Variants in UGT1A10 observed in about 807,000 individuals in gnomAD.
The protein encoded by UGT1A10 is UDP-glucuronosyltransferase 1A10.
A neutral mutation model predicts 45.8 loss-of-function variants in UGT1A10; 49 were observed. The ratio of observed to expected loss-of-function variants is 1.07; its 90% confidence interval spans 0.85 to 1.36. The LOEUF (loss-of-function observed/expected upper bound fraction) is 1.36. Ranked by LOEUF, UGT1A10 falls within the 40% of genes most tolerant of loss-of-function variation. The pLI, the probability that UGT1A10 is intolerant of heterozygous loss-of-function variation, is 0.00. For synonymous variants in UGT1A10, 284 were observed against 249.7 expected (o/e 1.14, Z -1.29); for missense variants, 745 against 668.6 (o/e 1.11, Z -1.26).
At chr2:233,738,180 G>A (rs566528784) in intron 1 of UGT1A10, among the ~76,000 whole-genome samples, 8 of 152,232 alleles carry the variant, frequency 5.3e-5, no homozygotes, top group African/African-American at 1.4e-4. Flanking sequence ...CATGTAAGAC[G>A]TGTCTTTGCC....
chr2:233,734,419 T>C (rs2078523493), intron 1 of UGT1A10, among the ~76,000 whole-genome samples: 1 of 152,186 alleles, frequency 6.6e-6, no homozygotes, highest in African/African-American at 2.4e-5. Flanking sequence ...CTCTCTTTTC[T>C]TCTTTATTAG....
At chr2:233,643,069 G>T (rs1390685585) in intron 1 of UGT1A10, among the ~76,000 whole-genome samples, 3 of 152,148 alleles carry the variant, frequency 2.0e-5, no homozygotes, top group Non-Finnish European at 2.9e-5. Context: ...GCCTATGTTT[G>T]CTCAACGCCC....
intron 1 of UGT1A10, chr2:233,693,690 AT>A: frequency 6.2e-7 from 1 of 1,614,250 alleles, no homozygotes; most frequent in Non-Finnish European, 8.5e-7. Context: ...TTTTCAAAGT[AT>A]GAAGAACTCG....
chr2:233,712,373 T>C (rs1400109853), intron 1 of UGT1A10, among the ~76,000 whole-genome samples: 1 of 152,218 alleles, frequency 6.6e-6, no homozygotes, highest in Non-Finnish European at 1.5e-5. Flanking sequence ...GCAGCTTTTT[T>C]TATATTGACA....
intron 1 of UGT1A10, among the ~76,000 whole-genome samples, chr2:233,644,956 G>C (rs1386504324): frequency 6.6e-6 from 1 of 152,100 alleles, no homozygotes; most frequent in African/African-American, 2.4e-5. Flanking sequence ...AAAACTGTGT[G>C]TAATGAGTTC....
intron 1 of UGT1A10, among the ~76,000 whole-genome samples, chr2:233,688,858 G>C (rs552889228): frequency 2.0e-5 from 3 of 152,134 alleles, no homozygotes; most frequent in Non-Finnish European, 4.4e-5. Flanking sequence ...CTGATCATAG[G>C]GGGCCTTGCA....
rs944669670 is a variant in UGT1A10 at position 233,769,377 on chromosome 2, C to T, written c.1295+938C>T. Reference sequence around the variant, plus strand: ...GTGGTGGCCAGTGGTAGATTTCATCCGACAATAGATACTGTGTGCATATGT... The same window carrying T: ...GTGGTGGCCAGTGGTAGATTTCATCTGACAATAGATACTGTGTGCATATGT... On this transcript the variant is annotated intron_variant, in intron 4 of 4. Transcript: ENST00000344644. The surrounding 1 kb of genome is among the most constrained non-coding windows in gnomAD (Gnocchi z 4.4). 6.6e-5 allele frequency among the ~76,000 whole-genome samples: 10 copies of T among 152,088 alleles called. No individual in the cohort carries two copies. The highest frequency in any genetic ancestry group is 1.0e-4 in the Non-Finnish European group (7 of 68,014).
chr2:233,672,285 T>C (rs1472432556), intron 1 of UGT1A10: 3 of 1,613,882 alleles, frequency 1.9e-6, no homozygotes, highest in East Asian at 4.5e-5. Context: ...ATGACATTTT[T>C]GACTTATTTT....
chr2:233,751,777 A>C (rs1694808291), intron 1 of UGT1A10, among the ~76,000 whole-genome samples: 1 of 152,126 alleles, frequency 6.6e-6, no homozygotes, highest in South Asian at 2.1e-4. Flanking sequence ...GACTTTGCTT[A>C]TCTCTCACCT....
chr2:233,697,193 G>A (rs1354175694), intron 1 of UGT1A10, among the ~76,000 whole-genome samples: 1 of 152,116 alleles, frequency 6.6e-6, no homozygotes, highest in African/African-American at 2.4e-5. Context: ...ATTCAGCAGT[G>A]AATCCATCTG....
At chr2:233,750,013 A>T (rs1694334722) in intron 1 of UGT1A10, among the ~76,000 whole-genome samples, 1 of 151,828 alleles carries the variant, frequency 6.6e-6, no homozygotes, top group East Asian at 1.9e-4. Context: ...TGCCATGGAG[A>T]GTGGAGTACT....
chr2:233,642,952 A>T (rs2073493815), intron 1 of UGT1A10, among the ~76,000 whole-genome samples: 1 of 152,110 alleles, frequency 6.6e-6, no homozygotes, highest in African/African-American at 2.4e-5. Context: ...GTGGAGTGAC[A>T]CAAGCATCCT....
intron 1 of UGT1A10, among the ~76,000 whole-genome samples, chr2:233,724,330 C>T (rs1214568164): frequency 2.8e-4 from 34 of 121,600 alleles, no homozygotes; most frequent in South Asian, 1.2e-3. Context: ...GCTGGCCAGG[C>T]GGGGGGCTGA....
intron 1 of UGT1A10, among the ~76,000 whole-genome samples, chr2:233,646,152 G>T (rs2073595892): frequency 6.6e-6 from 1 of 152,152 alleles, no homozygotes; most frequent in African/African-American, 2.4e-5. Context: ...GCTGTACTTT[G>T]GCTCCTTTTG....
chr2:233,766,518 A>G (rs542510910), intron 1 of UGT1A10, among the ~76,000 whole-genome samples: 1 of 152,214 alleles, frequency 6.6e-6, no homozygotes, highest in East Asian at 1.9e-4. Context: ...GGGAAATGAA[A>G]CATTTAGGCA....
intron 1 of UGT1A10, among the ~76,000 whole-genome samples, chr2:233,739,668 T>C (rs1477304196): frequency 6.6e-6 from 1 of 152,244 alleles, no homozygotes; most frequent in Non-Finnish European, 1.5e-5. Context: ...CATTGTGTCT[T>C]GGAAGTTACT....
chr2:233,761,556 C>T (rs1005029875), intron 1 of UGT1A10, among the ~76,000 whole-genome samples: 3 of 152,166 alleles, frequency 2.0e-5, no homozygotes, highest in African/African-American at 7.2e-5. Flanking sequence ...GATGATAGAT[C>T]CTGGAAATGA....
At chr2:233,731,565 G>A (rs1168065167) in intron 1 of UGT1A10, among the ~76,000 whole-genome samples, 1 of 152,192 alleles carries the variant, frequency 6.6e-6, no homozygotes, top group African/African-American at 2.4e-5. Context: ...ATAGTTTGCT[G>A]AGAATGATGG....
chr2:233,652,003 A>G (rs1417255356), intron 1 of UGT1A10, among the ~76,000 whole-genome samples: 1 of 152,240 alleles, frequency 6.6e-6, no homozygotes, highest in Non-Finnish European at 1.5e-5. Context: ...AGAAAAAAAA[A>G]AGGAATCACT....
Sources: allele counts gnomAD v4.1 joint callset (sites outside exome capture counted in the v4.1 genomes callset), GRCh38; gene constraint gnomAD v4.1.1; non-coding constraint Gnocchi (gnomAD v3.1); transcripts MANE v1.5; gene names NCBI Gene and HGNC (gene_info 2026-07-23, HGNC 2026-07-21).